The following TDRD3 variants were observed in gnomAD, a reference collection of about 807,000 sequenced individuals.
The protein encoded by TDRD3 is tudor domain-containing protein 3.
In TDRD3, 45 loss-of-function variants were observed where a neutral mutation model predicts 86.7. That is an observed-to-expected ratio of 0.52 (90% confidence interval 0.41 to 0.67). The LOEUF (loss-of-function observed/expected upper bound fraction) is 0.67. Among genes scored for constraint, TDRD3 ranks in the 30% least tolerant of loss-of-function variants. The probability of loss-of-function intolerance (pLI) is 0.00; values close to 1 mark genes in which losing one functional copy is unlikely to be tolerated. For synonymous variants in TDRD3, 298 were observed against 301.7 expected, an observed-to-expected ratio of 0.99 and a Z score of 0.13; for missense variants, 814 against 889.0, an observed-to-expected ratio of 0.92 and a Z score of 1.07.
intron 5 of TDRD3, among the ~76,000 whole-genome samples, chr13:60,475,740 G>A (rs1488675259): frequency 1.3e-5 from 2 of 152,140 alleles, no homozygotes; most frequent in Non-Finnish European, 2.9e-5. Context: ...TAGCCATTCT[G>A]TTATGAGATG....
chr13:60,562,673 C>G (rs1037615302), intron 12 of TDRD3, among the ~76,000 whole-genome samples: 1 of 152,156 alleles, frequency 6.6e-6, no homozygotes, highest in African/African-American at 2.4e-5. Context: ...AGGACTATTG[C>G]AGAGTACACT....
At chr13:60,397,606 C>T (rs1427708147) in intron 1 of TDRD3, among the ~76,000 whole-genome samples, 1 of 146,394 alleles carries the variant, frequency 6.8e-6, no homozygotes, top group African/African-American at 2.5e-5. Flanking sequence ...CTGGAGGCGG[C>T]GGCGGCGGCG....
intron 1 of TDRD3, among the ~76,000 whole-genome samples, chr13:60,400,989 G>T (rs1450404236): frequency 6.6e-6 from 1 of 152,144 alleles, no homozygotes; most frequent in Non-Finnish European, 1.5e-5. Flanking sequence ...TGAAAATTGG[G>T]TTGAAGCATT....
rs1322473246 is a variant in TDRD3, at chr13:60,495,298, A to G, written c.858+723A>G. 2.6e-5 allele frequency among the ~76,000 whole-genome samples: 4 copies of G among 152,206 alleles called. No individual in the cohort carries two copies. In the South Asian group the frequency reaches 6.2e-4, roughly 24 times the overall value. ...ATTTCTTGGCTTTCTCCTTAGTGTT[A>G]TGTAACTGCTCAATGGATTCACCTT... is the stretch of plus-strand genomic sequence containing the variant. On this transcript the variant is annotated intron_variant, in intron 8 of 13. Coordinates refer to ENST00000377881, the MANE Select transcript of TDRD3 (RefSeq NM_001146070.2).
At chr13:60,433,835 C>G (rs770983320) in intron 1 of TDRD3, among the ~76,000 whole-genome samples, 1 of 152,214 alleles carries the variant, frequency 6.6e-6, no homozygotes, top group East Asian at 1.9e-4. Context: ...ATTATCTATA[C>G]ATTATAGCCA....
intron 12 of TDRD3, among the ~76,000 whole-genome samples, chr13:60,539,468 G>A (rs531620688): frequency 3.0e-4 from 46 of 151,808 alleles, no homozygotes; most frequent in African/African-American, 1.1e-3. Flanking sequence ...AATTAATGTG[G>A]AAGAAGAAAG....
intron 5 of TDRD3, among the ~76,000 whole-genome samples, chr13:60,479,433 A>G (rs1956266122): frequency 6.6e-6 from 1 of 152,164 alleles, no homozygotes; most frequent in South Asian, 2.1e-4. Context: ...TCAATCTTAG[A>G]CTATGTTCTG....
intron 7 of TDRD3, among the ~76,000 whole-genome samples, chr13:60,488,235 G>A (rs1330243567): frequency 6.6e-6 from 1 of 152,178 alleles, no homozygotes; most frequent in African/African-American, 2.4e-5. Context: ...GAACTAAGGA[G>A]GGGTAAGGAA....
At chr13:60,561,294 A>G (rs1958327129) in intron 12 of TDRD3, among the ~76,000 whole-genome samples, 1 of 152,160 alleles carries the variant, frequency 6.6e-6, no homozygotes, top group African/African-American at 2.4e-5. Flanking sequence ...AAAGGGAGAA[A>G]GGCTCTGAAC....
At chr13:60,470,573 A>C (rs138880873) in intron 5 of TDRD3, among the ~76,000 whole-genome samples, 207 of 148,868 alleles carry the variant, frequency 1.4e-3, no homozygotes, top group African/African-American at 4.8e-3. Flanking sequence ...GGTAAAATAG[A>C]ATATCATTAT....
intron 1 of TDRD3, among the ~76,000 whole-genome samples, chr13:60,418,282 T>G (rs2137857866): frequency 6.6e-6 from 1 of 152,148 alleles, no homozygotes. Flanking sequence ...TCCATTTAAG[T>G]TAGTTAATTA....
At chr13:60,567,877 C>T (rs1042226758) in intron 13 of TDRD3, among the ~76,000 whole-genome samples, 1 of 150,014 alleles carries the variant, frequency 6.7e-6, no homozygotes, top group African/African-American at 2.5e-5. Context: ...GCATCCACCA[C>T]CATGCCCAGC....
chr13:60,490,315 C>G (rs117840478), intron 7 of TDRD3, among the ~76,000 whole-genome samples: 1 of 151,892 alleles, frequency 6.6e-6, no homozygotes, highest in Non-Finnish European at 1.5e-5. Flanking sequence ...GAAGGAGGTA[C>G]GAGAATTAAC....
chr13:60,488,579 T>A (rs1168726517), intron 7 of TDRD3, among the ~76,000 whole-genome samples: 1 of 148,482 alleles, frequency 6.7e-6, no homozygotes, highest in African/African-American at 2.5e-5. Flanking sequence ...GGTTTTTTTG[T>A]TTTTTTTTAT....
intron 10 of TDRD3, among the ~76,000 whole-genome samples, chr13:60,513,786 A>G (rs558193383): frequency 6.6e-6 from 1 of 152,350 alleles, no homozygotes; most frequent in South Asian, 2.1e-4. Context: ...GCCTTCTGCC[A>G]TGATTGTGAG....
chr13:60,484,873 G>T (rs1956394841), intron 6 of TDRD3: 2 of 291,934 alleles, frequency 6.9e-6, no homozygotes, highest in Non-Finnish European at 1.3e-5. Flanking sequence ...AAACATTTTG[G>T]TGATAATATT....
At chr13:60,540,576 G>C (rs1373411282) in intron 12 of TDRD3, among the ~76,000 whole-genome samples, 3 of 152,126 alleles carry the variant, frequency 2.0e-5, no homozygotes, top group African/African-American at 7.2e-5. Flanking sequence ...AATTCAGTTT[G>C]TGATAGCTAA....
At chr13:60,567,161 T>A (rs1958478870) in intron 12 of TDRD3, among the ~76,000 whole-genome samples, 1 of 152,218 alleles carries the variant, frequency 6.6e-6, no homozygotes, top group Non-Finnish European at 1.5e-5. Context: ...AAGAAAATTG[T>A]CATTATAATG....
At chr13:60,409,960 AG>A (rs754787376) in intron 1 of TDRD3, among the ~76,000 whole-genome samples, 7 of 152,134 alleles carry the variant, frequency 4.6e-5, no homozygotes, top group Non-Finnish European at 8.8e-5. Context: ...GTGTTGTGGG[AG>A]GGACCCAGGG....
Sources: allele counts gnomAD v4.1 joint callset (sites outside exome capture counted in the v4.1 genomes callset), GRCh38; gene constraint gnomAD v4.1.1; transcripts MANE v1.5; gene names NCBI Gene and HGNC (gene_info 2026-07-23, HGNC 2026-07-21).